The following CEP120 variants were observed in gnomAD, a reference collection of about 807,000 sequenced individuals.
CEP120 encodes the protein centrosomal protein 120.
CEP120 carries 113 observed loss-of-function variants against 126.5 expected under a neutral mutation model. The ratio of observed to expected loss-of-function variants is 0.89; its 90% CI spans 0.77 to 1.04. The LOEUF is 1.04. CEP120 is among the 50% of genes least tolerant of loss of function. The pLI, the probability that CEP120 is intolerant of heterozygous loss-of-function variation, is 0.00. For missense variants in CEP120, 1,230 were observed against 1,155.7 expected, an observed-to-expected ratio of 1.06 and a Z score of -0.93; for synonymous variants, 400 against 394.3, an observed-to-expected ratio of 1.01 and a Z score of -0.17.
chr5:123,399,589 G>A (rs937359913), intron 4 of CEP120, among the ~76,000 whole-genome samples: 1 of 152,168 alleles, frequency 6.6e-6, no homozygotes, highest in Admixed American at 6.5e-5. Flanking sequence ...GAATAAGCTA[G>A]ATATGGCTAA....
Position 123,382,966 on chromosome 5 carries a change from T to A in CEP120, c.1860+20A>T. The A allele has an allele frequency of 6.3e-7, 1 of 1,594,932 alleles. No individual in the cohort carries two copies. The highest frequency in any genetic ancestry group is 1.1e-5 in the South Asian group (1 of 88,052). On this transcript the variant is annotated intron_variant, in intron 12 of 19. Transcript: ENST00000306467. Reference sequence around the variant, plus strand: ...TAGATTCCTTTTAAAAAAAATTTGATAACATTCAATTATATTTACCTGAGA... The same window carrying A: ...TAGATTCCTTTTAAAAAAAATTTGAAAACATTCAATTATATTTACCTGAGA...
chr5:123,397,312 G>A (rs1028155847), intron 5 of CEP120, among the ~76,000 whole-genome samples: 12 of 152,212 alleles, frequency 7.9e-5, no homozygotes, highest in Non-Finnish European at 7.4e-5. Flanking sequence ...TGACAAGAGC[G>A]AGGCTCCACC....
chr5:123,368,633 T>C (rs1184800423), intron 17 of CEP120, among the ~76,000 whole-genome samples: 1 of 151,968 alleles, frequency 6.6e-6, no homozygotes, highest in Non-Finnish European at 1.5e-5. Context: ...ATGAAAAATA[T>C]ATTTCAGGGA....
intron 6 of CEP120, among the ~76,000 whole-genome samples, chr5:123,391,812 A>G (rs1180605933): frequency 6.6e-6 from 1 of 152,158 alleles, no homozygotes; most frequent in Admixed American, 6.5e-5. Context: ...TTTCACCCAT[A>G]AGATATCTTG....
At chr5:123,387,526 C>A (rs573708329) in intron 9 of CEP120, among the ~76,000 whole-genome samples, 1 of 152,222 alleles carries the variant, frequency 6.6e-6, no homozygotes, top group Admixed American at 6.5e-5. Flanking sequence ...ACTACAATTT[C>A]ATACCAATAC....
At position 123,401,133 on chromosome 5, in the gene CEP120, G is replaced by A. The variant is rs185505137; in HGVS notation, c.464-1849C>T. The stretch of plus-strand genomic sequence containing the variant: ...ATGAATACTCATGTTCTGCATCCCA[G>A]ACTCCAGCCGGCTCTCCTCGCCCTC... On this transcript the variant is annotated intron_variant, in intron 4 of 19. Coordinates refer to ENST00000306467, the MANE Select transcript of CEP120 (RefSeq NM_001375405.1). The A allele has an allele frequency of 4.2e-4, 672 of 1,605,198 alleles. 5 individuals are homozygous for A. The East Asian group carries it at 0.013, about 30-fold the overall frequency.
chr5:123,377,296 G>A, intron 16 of CEP120, 78 bp downstream of exon 16: 1 of 1,334,560 alleles, frequency 7.5e-7, no homozygotes, highest in Non-Finnish European at 1.0e-6. Context: ...CCACTTTTTA[G>A]TAGTTAGTGA....
intron 4 of CEP120, among the ~76,000 whole-genome samples, chr5:123,409,102 G>T (rs975723986): frequency 6.6e-6 from 1 of 152,006 alleles, no homozygotes; most frequent in Admixed American, 6.6e-5. Flanking sequence ...TTTATCCCAG[G>T]TATGCAAGTC....
intron 3 of CEP120, among the ~76,000 whole-genome samples, chr5:123,413,661 A>T (rs1161765266): frequency 6.6e-6 from 1 of 152,210 alleles, no homozygotes; most frequent in African/African-American, 2.4e-5. Flanking sequence ...TTATATAAAG[A>T]CATAATAAAT....
chr5:123,403,475 A>G, intron 4 of CEP120: 2 of 343,274 alleles, frequency 5.8e-6, no homozygotes, highest in Non-Finnish European at 1.1e-5. Context: ...CACTAAATAA[A>G]AAGAGAAAAC....
intron 5 of CEP120, among the ~76,000 whole-genome samples, chr5:123,396,626 C>A (rs1458526474): frequency 2.0e-5 from 3 of 152,128 alleles, no homozygotes; most frequent in Non-Finnish European, 4.4e-5. Context: ...TCATGCACAA[C>A]TGAAAAGATG....
At chr5:123,392,062 G>C (rs143483020) in intron 6 of CEP120, among the ~76,000 whole-genome samples, 204 of 152,136 alleles carry the variant, frequency 1.3e-3, no homozygotes, top group African/African-American at 4.5e-3. Flanking sequence ...TAATAAATAA[G>C]CAATCATGCT....
chr5:123,418,698 G>A (rs551794102), intron 1 of CEP120, among the ~76,000 whole-genome samples, 183 bp from the exon 2 acceptor site: 1 of 151,296 alleles, frequency 6.6e-6, no homozygotes, highest in Non-Finnish European at 1.5e-5. Context: ...CCAGGTTCAC[G>A]CGATTCTCCT....
rs1281130050 is a variant in CEP120 at position 123,385,124 on chromosome 5, T to A, written c.1590A>T (p.Leu530Phe). The change falls in exon 11 of 20, where the codon TTA becomes TTT. Residue 530 changes from leucine (L) to phenylalanine (F), a missense_variant. Physicochemically the swap from Leu to Phe is conservative, Grantham distance 22. Coordinates refer to ENST00000306467, the MANE Select transcript of CEP120 (RefSeq NM_001375405.1). The stretch of plus-strand genomic sequence containing the variant: ...TATCCTTGTGCCATAGTTCAACCAG[T>A]AATGGAATCCTAAGGAAGAGAGAAA... ...QLQDTFLRIPLLVELWHKDKM... is the reference protein window; with the variant it reads ...QLQDTFLRIPFLVELWHKDKM... The A allele has an allele frequency of 2.5e-6, 4 of 1,611,380 alleles. No homozygotes were observed. In the African/African-American group the frequency reaches 5.4e-5, roughly 22 times the overall value.
chr5:123,385,046 G>T lies in CEP120; in HGVS notation c.1668C>A (p.Ile556=). ...AAAAACGAGTTTTTTCTGAAGACAA[G>T]ATGTTAGAAAGCTGGATTCTCGCAA... ...LGIARIQLSN[I]LSSEKTRFLG... is the part of the protein sequence containing the mutation. The change falls in exon 11 of 20, where the codon ATC becomes ATA. Residue 556 remains isoleucine, a synonymous_variant. Transcript: ENST00000306467. The T allele has an allele frequency of 6.2e-7, 1 of 1,613,638 alleles. No individual in the cohort carries two copies. Among genetic ancestry groups the T allele is most frequent in the East Asian group, 2.2e-5 (1 of 44,846 alleles).
chr5:123,353,145 C>T (rs1204859155), intron 18 of CEP120, among the ~76,000 whole-genome samples: 1 of 151,864 alleles, frequency 6.6e-6, no homozygotes, highest in African/African-American at 2.4e-5. Flanking sequence ...ACCTCTAATA[C>T]AATGTTGAAA....
rs565446772 is a variant in CEP120, at chr5:123,419,559, A to C, written c.50-1044T>G. On this transcript the variant is annotated intron_variant, in intron 1 of 19. Transcript: ENST00000306467. ...AAAAAAACAAAAACAAAAACAAAAA[A>C]AAAAAAACAGAATACTTTCCAAATT... 1.1e-3 allele frequency among the ~76,000 whole-genome samples: 159 copies of C among 143,492 alleles called. 2 individuals are homozygous for C. Among genetic ancestry groups the C allele is most frequent in the East Asian group, 4.7e-3 (24 of 5,152 alleles). 94.1% of individuals were successfully genotyped at this position (143,492 alleles called of 152,430 possible).
At chr5:123,365,143 T>C (rs902718303) in intron 17 of CEP120, among the ~76,000 whole-genome samples, 1 of 151,670 alleles carries the variant, frequency 6.6e-6, no homozygotes, top group African/African-American at 2.4e-5. Context: ...TCAAAAATAT[T>C]TTAAGAATGT....
At chr5:123,402,507 A>C (rs114337292) in intron 4 of CEP120, among the ~76,000 whole-genome samples, 28,577 of 152,002 alleles carry the variant, frequency 0.19, 3,137 homozygotes, top group Middle Eastern at 0.25. Flanking sequence ...GCCCCCCCGG[A>C]TTCAAGCAAT....
Sources: allele counts gnomAD v4.1 joint callset (sites outside exome capture counted in the v4.1 genomes callset), GRCh38; gene constraint gnomAD v4.1.1; transcripts MANE v1.5; gene names NCBI Gene and HGNC (gene_info 2026-07-23, HGNC 2026-07-21).